The following BNC2 variants were observed in gnomAD, a reference collection of about 807,000 sequenced individuals.
BNC2 encodes zinc finger protein basonuclin-2.
In BNC2, 20 loss-of-function variants were observed where a neutral mutation model predicts 76.3. The ratio of observed to expected loss-of-function variants is 0.26; its 90% CI spans 0.18 to 0.38. The LOEUF (loss-of-function observed/expected upper bound fraction) is 0.38, where lower values mean the gene tolerates loss of function less well. BNC2 is among the 10% of genes least tolerant of loss of function. The pLI is 1.00. For missense variants in BNC2, 1,382 were observed against 1,399.8 expected (o/e 0.99, Z 0.20); for synonymous variants, 582 against 514.8 (o/e 1.13, Z -1.77).
intron 1 of BNC2, among the ~76,000 whole-genome samples, chr9:16,747,338 TA>T (rs1182638920): frequency 3.4e-5 from 2 of 59,266 alleles, no homozygotes; most frequent in Non-Finnish European, 8.4e-5. Flanking sequence ...GCAAGTTTTA[TA>T]AAAGATACAA....
intron 3 of BNC2, among the ~76,000 whole-genome samples, chr9:16,682,600 C>T (rs1006393752): frequency 1.3e-5 from 2 of 152,162 alleles, no homozygotes; most frequent in Non-Finnish European, 2.9e-5. Context: ...TGGAAATTTA[C>T]ACTTGCACCC....
intron 1 of BNC2, among the ~76,000 whole-genome samples, chr9:16,852,701 T>C (rs932379055): frequency 3.9e-5 from 6 of 151,950 alleles, no homozygotes; most frequent in African/African-American, 9.7e-5. Flanking sequence ...CATACACTGA[T>C]AGGGACACAG....
chr9:16,739,965 T>G (rs1296614737), intron 1 of BNC2, among the ~76,000 whole-genome samples: 1 of 152,174 alleles, frequency 6.6e-6, no homozygotes, highest in Non-Finnish European at 1.5e-5. Context: ...GAAAACAGAC[T>G]GATACTGAAG....
intron 1 of BNC2, among the ~76,000 whole-genome samples, chr9:16,812,326 A>C (rs916141628): frequency 6.6e-6 from 1 of 152,264 alleles, no homozygotes; most frequent in Non-Finnish European, 1.5e-5. Flanking sequence ...ATCCACCAGC[A>C]GTCCCATCTG....
chr9:16,437,517 G>T lies in BNC2; in HGVS notation c.677C>A (p.Ala226Asp). Residue 226 changes from alanine (A) to aspartate (D), a missense_variant, in exon 6 of 7, where the codon GCT becomes GAT. Ala to Asp is a moderately radical substitution (Grantham distance 126, BLOSUM62 -2). Coordinates refer to ENST00000380672, the MANE Select transcript of BNC2 (RefSeq NM_017637.6). ...YVRGYILQDA[A>D]GKVLDRWAIM... ...GGCCCAGCGGTCCAGCACCTTGCCA[G>T]CAGCATCCTAGAGGCCACATCAAAG... 6.2e-7 allele frequency: 1 copy of T among 1,612,120 alleles called. No homozygotes were observed.
In BNC2 at chr9:16,567,185, G is replaced by A. The variant is rs371490460; in HGVS notation, c.434-14420C>T. ...GGACCCCAAAATGACACTTGAGTCT[G>A]AATGAAGAAAACTCATTTATGTGGG... On this transcript the variant is annotated intron_variant, in intron 4 of 6. Transcript: ENST00000380672. 5.3e-5 allele frequency among the ~76,000 whole-genome samples: 8 copies of A among 152,316 alleles called. No individual in the cohort carries two copies. In the South Asian group the frequency reaches 1.0e-3, roughly 20 times the overall value.
chr9:16,412,587 T>C lies in BNC2; in HGVS notation c.*6402A>G, dbSNP rs900855253. 2.0e-5 allele frequency: 3 copies of C among 152,588 alleles called. No homozygotes were observed. Among genetic ancestry groups the C allele is most frequent in the Non-Finnish European group, 4.4e-5 (3 of 68,036 alleles). 9.5% of individuals were successfully genotyped at this position (152,588 alleles called of 1,614,324 possible). A position where few individuals can be genotyped will look rare whatever the true frequency, so the allele number is the denominator to read the frequency against. ...CTCTACTGACCCTTTATTTAAGAAG[T>C]CATCTTGTTACTGTCCACTTAATAG... On this transcript the variant is annotated 3_prime_UTR_variant, in exon 7 of 7. Transcript: ENST00000380672.
At chr9:16,465,434 C>CAAAAAAAAAA (rs34834563) in intron 5 of BNC2, among the ~76,000 whole-genome samples, 64 of 84,200 alleles carry the variant, frequency 7.6e-4, no homozygotes, top group East Asian at 4.0e-3. Flanking sequence ...ACTCCAACTC[C>CAAAAAAAAAA]AAAAAAAAAA....
intron 4 of BNC2, among the ~76,000 whole-genome samples, chr9:16,555,748 G>T (rs1010469257): frequency 1.3e-5 from 2 of 152,074 alleles, no homozygotes; most frequent in African/African-American, 4.8e-5. Flanking sequence ...AGTGAGCCAT[G>T]ATTGTATCAC....
intron 4 of BNC2, among the ~76,000 whole-genome samples, chr9:16,555,176 G>A (rs1031901697): frequency 2.7e-5 from 4 of 147,114 alleles, no homozygotes; most frequent in Admixed American, 1.3e-4. Context: ...CCACCACCAC[G>A]CCTGACTAAT....
At chr9:16,790,007 GA>G (rs1563944564) in intron 1 of BNC2, among the ~76,000 whole-genome samples, 1 of 152,108 alleles carries the variant, frequency 6.6e-6, no homozygotes, top group African/African-American at 2.4e-5. Context: ...CATGTGAAAT[GA>G]TTTTTTTTTG....
intron 1 of BNC2, 124 bp from the exon 2 acceptor site, chr9:16,738,609 T>C: frequency 9.1e-7 from 1 of 1,095,346 alleles, no homozygotes; most frequent in Admixed American, 2.1e-5. Context: ...ACACATTTTT[T>C]AAGAGTTAAT....
At chr9:16,814,465 C>A (rs1009581354) in intron 1 of BNC2, among the ~76,000 whole-genome samples, 1 of 152,204 alleles carries the variant, frequency 6.6e-6, no homozygotes, top group Non-Finnish European at 1.5e-5. Context: ...AGAAATTTTA[C>A]TCCTTTCATA....
chr9:16,808,148 G>C (rs955441365), intron 1 of BNC2, among the ~76,000 whole-genome samples: 2 of 152,162 alleles, frequency 1.3e-5, no homozygotes, highest in African/African-American at 4.8e-5. Flanking sequence ...ATAGCTACAA[G>C]TGTTAGACGT....
intron 5 of BNC2, among the ~76,000 whole-genome samples, chr9:16,450,652 A>C (rs904802446): frequency 6.6e-6 from 1 of 152,230 alleles, no homozygotes; most frequent in Non-Finnish European, 1.5e-5. Context: ...ACCGATGATA[A>C]AGCTGTTTGG....
chr9:16,454,131 CTTTTT>C (rs533881914), intron 5 of BNC2, among the ~76,000 whole-genome samples: 38 of 151,804 alleles, frequency 2.5e-4, no homozygotes, highest in Non-Finnish European at 4.1e-4. Context: ...TCCCATTCTG[CTTTTT>C]TTTGTGTTTT....
Position 16,458,139 on chromosome 9 carries a change from C to T in BNC2, c.670-20615G>A, listed in dbSNP as rs185481094. Among the ~76,000 whole-genome samples, 3 of 152,220 alleles carry T rather than the reference C, an allele frequency of 2.0e-5. No homozygotes were observed. In the East Asian group the frequency reaches 5.8e-4, roughly 29 times the overall value. The stretch of plus-strand genomic sequence containing the variant: ...AACATTACTGAAAACATAGTCAGTC[C>T]TAAGGGGGAAAACCCCTACCATTAT... On this transcript the variant is annotated intron_variant, in intron 5 of 6. Transcript: ENST00000380672.
At chr9:16,455,330 A>AG (rs1821423720) in intron 5 of BNC2, among the ~76,000 whole-genome samples, 1 of 152,218 alleles carries the variant, frequency 6.6e-6, no homozygotes, top group Non-Finnish European at 1.5e-5. Context: ...AAGAGAAAAT[A>AG]AACACATAGA....
intron 3 of BNC2, among the ~76,000 whole-genome samples, chr9:16,691,904 G>A (rs1264243605): frequency 4.0e-5 from 6 of 151,344 alleles, no homozygotes; most frequent in East Asian, 2.0e-4. Flanking sequence ...TCTGCCTCCC[G>A]GGTTCAAGTG....
Sources: gnomAD v4.1 joint callset for allele counts (sites outside exome capture counted in the v4.1 genomes callset) on GRCh38, gnomAD v4.1.1 for gene constraint, MANE v1.5 for transcripts, NCBI Gene and HGNC (gene_info 2026-07-23, HGNC 2026-07-21) for gene names.